E2F1: variants seen among roughly 807,000 people sequenced by gnomAD.
E2F1 encodes transcription factor E2F1.
A neutral mutation model predicts 36.9 loss-of-function variants in E2F1; 7 were observed. The observed-to-expected ratio is 0.19, with a 90% CI of 0.11 to 0.36. The LOEUF (loss-of-function observed/expected upper bound fraction) is 0.36, where lower values mean the gene tolerates loss of function less well. Ranked by LOEUF, E2F1 falls within the 10% of genes least tolerant of loss-of-function variation. E2F1 has a pLI of 1.00. For synonymous variants in E2F1, 261 were observed against 263.1 expected (o/e 0.99, Z 0.08); for missense variants, 406 against 573.6 (o/e 0.71, Z 2.99).
At chr20:33,684,716 A>G (rs1296428495) in intron 1 of E2F1, among the ~76,000 whole-genome samples, 3 of 152,136 alleles carry the variant, frequency 2.0e-5, no homozygotes, top group Non-Finnish European at 4.4e-5. Context: ...TATTATTAGC[A>G]TTGTGGTGAT....
rs979726143 is a variant in E2F1, at chr20:33,676,574, G to A, written c.*158C>T. The A allele has an allele frequency of 2.4e-5, 27 of 1,143,596 alleles. No homozygotes were observed. Among genetic ancestry groups the A allele is most frequent in the East Asian group, 5.4e-5 (2 of 37,268 alleles). The allele number at this position is 1,143,596 out of a possible 1,614,324, so 70.8% of individuals were successfully genotyped here. A position where few individuals can be genotyped will look rare whatever the true frequency, so the allele number is the denominator to read the frequency against. Reference sequence around the variant, plus strand: ...TTCCTGGCTTGCTCAGCCTCCTAGCGGTAGCCAGACCCCAGAGCTAGAAGC... The same window carrying A: ...TTCCTGGCTTGCTCAGCCTCCTAGCAGTAGCCAGACCCCAGAGCTAGAAGC... On this transcript the variant is annotated 3_prime_UTR_variant, in exon 7 of 7. Coordinates refer to ENST00000343380, the MANE Select transcript of E2F1 (RefSeq NM_005225.3).
In E2F1 at chr20:33,677,226, C is replaced by T; in HGVS notation, c.945G>A (p.Glu315=). 6.2e-7 allele frequency: 1 copy of T among 1,614,146 alleles called. No individual in the cohort carries two copies. Among genetic ancestry groups the T allele is most frequent in the Non-Finnish European group, 8.5e-7 (1 of 1,180,006 alleles). Residue 315 remains glutamate (E), a synonymous_variant, in exon 6 of 7, where the codon GAG becomes GAA. Transcript: ENST00000343380. ...CCCTGTTCTCCTCCTCAGAAGTGAC[C>T]TCCTGGGATGGGGTCTTCCCAGGGC... is the stretch of plus-strand genomic sequence containing the variant. ...GISPGKTPSQ[E]VTSEEENRAT...
chr20:33,676,774 G>C lies in E2F1; in HGVS notation c.1272C>G (p.Leu424=). The change falls in exon 7 of 7, where the codon CTC becomes CTG. Residue 424 remains leucine (L), a synonymous_variant. Coordinates refer to ENST00000343380, the MANE Select transcript of E2F1 (RefSeq NM_005225.3). ...TGAGGTCCCCAAAGTCACAGTCGAA[G>C]AGGTCTCTGATGCCCTCGCCCTCCT... ...GLEEGEGIRD[L]FDCDFGDLTP... 1 of 1,608,734 alleles carries C rather than the reference G, an allele frequency of 6.2e-7. No homozygotes were observed. The highest frequency in any genetic ancestry group is 8.5e-7 in the Non-Finnish European group (1 of 1,177,530).
In E2F1 at chr20:33,677,170, G is replaced by A; in HGVS notation, c.1001C>T (p.Pro334Leu). Reference protein sequence around the residue: ...ATDSATIVSPPPSSPPSSLTT... With the variant: ...ATDSATIVSPLPSSPPSSLTT... ...GAGGGATGAGGGGGGAGATGATGGT[G>A]GTGGTGACACTATGGTGGCAGAGTC... is the stretch of plus-strand genomic sequence containing the variant. The change falls in exon 6 of 7, where the codon CCA becomes CTA. Residue 334 changes from proline to leucine, a missense_variant. Coordinates refer to ENST00000343380, the MANE Select transcript of E2F1 (RefSeq NM_005225.3). 6.2e-7 allele frequency: 1 copy of A among 1,614,156 alleles called. No individual in the cohort carries two copies. Among genetic ancestry groups the A allele is most frequent in the Non-Finnish European group, 8.5e-7 (1 of 1,180,006 alleles).
chr20:33,682,656 C>T (rs968014552), intron 1 of E2F1, among the ~76,000 whole-genome samples: 9 of 152,204 alleles, frequency 5.9e-5, no homozygotes, highest in Non-Finnish European at 8.8e-5. Context: ...GCCATTTCTG[C>T]CACTTCTCCC....
At chr20:33,684,264 G>C (rs1052010967) in intron 1 of E2F1, among the ~76,000 whole-genome samples, 7 of 152,188 alleles carry the variant, frequency 4.6e-5, no homozygotes, top group African/African-American at 1.7e-4. Flanking sequence ...CAGGTTGTTA[G>C]ATTTCCGCAG....
In E2F1 at chr20:33,678,243, G is replaced by A; in HGVS notation, c.683C>T (p.Thr228Ile). Residue 228 changes from threonine (T) to isoleucine (I), a missense_variant, in exon 4 of 7, where the codon ACT becomes ATT. Physicochemically the swap from Thr to Ile is moderately conservative, Grantham distance 89. Around this residue, in one of 5 missense-constraint regions of E2F1, gnomAD observed 93 missense variants for 143.3 expected, o/e 0.65. Coordinates refer to ENST00000343380, the MANE Select transcript of E2F1 (RefSeq NM_005225.3). ...CTCGGAGAGCAGGCGCAGCTGCGTA[G>A]TACAGATATTCATCAGGTGGTCCAG... ...QQLDHLMNIC[T>I]TQLRLLSEDT... The A allele has an allele frequency of 6.2e-7, 1 of 1,613,934 alleles. No homozygotes were observed.
rs1158775423 is a variant in E2F1, at chr20:33,686,253, G to A, written c.12C>T (p.Ala4=). 7.3e-5 allele frequency: 74 copies of A among 1,013,804 alleles called. No individual in the cohort carries two copies. Among genetic ancestry groups the A allele is most frequent in the Non-Finnish European group, 8.7e-5 (74 of 850,328 alleles). 62.8% of individuals were successfully genotyped at this position (1,013,804 alleles called of 1,614,324 possible). A position where few individuals can be genotyped will look rare whatever the true frequency, so the allele number is the denominator to read the frequency against. Residue 4 remains alanine, a synonymous_variant, in exon 1 of 7, where the codon GCC becomes GCT. Transcript: ENST00000343380. The stretch of plus-strand genomic sequence containing the variant: ...CGCATGGGCCGCCCGCAGGGGCCCC[G>A]GCCAAGGCCATGACGCTCACGGCCC... MAL[A]GAPAGGPCAP...
At chr20:33,678,092 C>A in intron 4 of E2F1, 109 bp downstream of exon 4, 1 of 1,363,156 alleles carries the variant, frequency 7.3e-7, no homozygotes, top group East Asian at 2.4e-5. Flanking sequence ...CCAGGACTTG[C>A]AACCAAAATC....
At chr20:33,680,484 G>T in intron 1 of E2F1, 68 bp from the exon 2 acceptor site, 1 of 1,433,428 alleles carries the variant, frequency 7.0e-7, no homozygotes, top group Non-Finnish European at 9.7e-7. Context: ...CTTAAGGCTG[G>T]GTGCCTCTGG....
chr20:33,686,022 G>A lies in E2F1; in HGVS notation c.243C>T (p.Pro81=), dbSNP rs2018065219. Residue 81 remains proline (P), a synonymous_variant, in exon 1 of 7, where the codon CCC becomes CCT. Transcript: ENST00000343380. The part of the protein sequence containing the change: ...APRPTPSAPR[P]ALGRPPVKRR... ...TCCGTACCGGCGGGCGGCCGAGCGC[G>A]GGCCGCGGCGCACTGGGTGTGGGCC... is the stretch of plus-strand genomic sequence containing the variant. 2 of 1,132,426 alleles carry A rather than the reference G, an allele frequency of 1.8e-6. No individual in the cohort carries two copies. Among genetic ancestry groups the A allele is most frequent in the Admixed American group, 4.9e-5 (1 of 20,332 alleles). 70.1% of individuals were successfully genotyped at this position (1,132,426 alleles called of 1,614,324 possible).
rs2018069760 is a variant in E2F1, at chr20:33,686,333, C to A, written c.-69G>T. The A allele has an allele frequency of 4.0e-6, 4 of 990,196 alleles. No homozygotes were observed. The highest frequency in any genetic ancestry group is 4.6e-5 in the South Asian group (1 of 21,648). The allele number at this position is 990,196 out of a possible 1,614,324, so 61.3% of individuals were successfully genotyped here. ...GGCGCGGGCCCATGGCGGCAGGCCTCGGCGAGGGCTCGATCCCGCTCCGCC... is the reference window on the plus strand; with the variant it reads ...GGCGCGGGCCCATGGCGGCAGGCCTAGGCGAGGGCTCGATCCCGCTCCGCC... On this transcript the variant is annotated 5_prime_UTR_variant, in exon 1 of 7. Transcript: ENST00000343380.
rs762689168 is a variant in E2F1, at chr20:33,676,933, C to A, written c.1113G>T (p.Glu371Asp). 1 of 1,565,084 alleles carries A rather than the reference C, an allele frequency of 6.4e-7. No homozygotes were observed. Among genetic ancestry groups the A allele is most frequent in the African/African-American group, 1.4e-5 (1 of 74,020 alleles). ...CCGCCACCAGCGGGGACAGGCGGTC[C>A]TCGTCCACGGGAGCCCGCAGGCTGC... The part of the protein sequence containing the change: ...RMGSLRAPVD[E>D]DRLSPLVAAD... The change falls in exon 7 of 7, where the codon GAG becomes GAT. Residue 371 changes from glutamate to aspartate, a missense_variant. Glu to Asp is a conservative substitution (Grantham distance 45). Coordinates refer to ENST00000343380, the MANE Select transcript of E2F1 (RefSeq NM_005225.3).
intron 1 of E2F1, among the ~76,000 whole-genome samples, chr20:33,685,443 G>A (rs1387149885): frequency 6.6e-6 from 1 of 152,028 alleles, no homozygotes; most frequent in African/African-American, 2.4e-5. Context: ...GCTCACCAAC[G>A]GTTAGGCCCC....
In E2F1 at chr20:33,679,712, G is replaced by A. The variant is rs2018001187; in HGVS notation, c.572+43C>T. 1.9e-6 allele frequency: 3 copies of A among 1,580,946 alleles called. No homozygotes were observed. Among genetic ancestry groups the A allele is most frequent in the Non-Finnish European group, 2.6e-6 (3 of 1,151,476 alleles). ...TATTACTACCAGCTCCTCCAGGCTG[G>A]CATGGGCAGGTGTGCCTGCCCTCCT... On this transcript the variant is annotated intron_variant, in intron 3 of 6. Coordinates refer to ENST00000343380, the MANE Select transcript of E2F1 (RefSeq NM_005225.3). This position sits in a 1 kb window ranked among gnomAD's most constrained non-coding sequence, Gnocchi z 4.6.
At chr20:33,685,536 G>T (rs146167817) in intron 1 of E2F1, among the ~76,000 whole-genome samples, 2 of 152,180 alleles carry the variant, frequency 1.3e-5, no homozygotes, top group East Asian at 3.9e-4. Context: ...AAGCCAGCAG[G>T]CCTCAGTTCA....
intron 1 of E2F1, among the ~76,000 whole-genome samples, chr20:33,684,205 T>C (rs756453049): frequency 6.6e-4 from 100 of 152,234 alleles, no homozygotes; most frequent in Admixed American, 1.7e-3. Context: ...GTCCCTCCCT[T>C]TGATCCTAGA....
chr20:33,685,803 C>G (rs2018062144), intron 1 of E2F1, among the ~76,000 whole-genome samples: 1 of 152,192 alleles, frequency 6.6e-6, no homozygotes, highest in Non-Finnish European at 1.5e-5. Flanking sequence ...CACAGAGCAG[C>G]AAACAGGGAC....
At position 33,676,900 on chromosome 20, in the gene E2F1, C is replaced by T. The variant is rs772585440; in HGVS notation, c.1146G>A (p.Ser382=). ...AGTCCTCCCGCACATGCTCCAGGAG[C>T]GAGTCGGCCGCCACCAGCGGGGACA... The part of the protein sequence containing the change: ...DRLSPLVAAD[S]LLEHVREDFS... The change falls in exon 7 of 7, where the codon TCG becomes TCA. Residue 382 remains serine, a synonymous_variant. Transcript: ENST00000343380. The T allele has an allele frequency of 6.4e-6, 10 of 1,569,196 alleles. No individual in the cohort carries two copies. Among genetic ancestry groups the T allele is most frequent in the African/African-American group, 4.1e-5 (3 of 73,770 alleles).
Sources: gnomAD v4.1 joint callset for allele counts (sites outside exome capture counted in the v4.1 genomes callset) on GRCh38, gnomAD v4.1.1 for gene constraint, gnomAD v4.1.1 regional missense constraint, Gnocchi (gnomAD v3.1) non-coding constraint, MANE v1.5 for transcripts, NCBI Gene and HGNC (gene_info 2026-07-23, HGNC 2026-07-21) for gene names.